Variants in DAP observed in about 807,000 individuals in gnomAD.
DAP encodes death-associated protein 1.
DAP carries 8 observed loss-of-function variants against 13.8 expected under a neutral mutation model. The observed-to-expected ratio is 0.58, with a 90% CI of 0.34 to 1.05. The LOEUF is 1.05. DAP is among the 50% of genes least tolerant of loss of function. The pLI, the probability that DAP is intolerant of heterozygous loss-of-function variation, is 0.03. For synonymous variants in DAP, 47 were observed against 47.5 expected (o/e 0.99, Z 0.04); for missense variants, 106 against 133.2 (o/e 0.80, Z 1.01).
At chr5:10,732,433 T>C (rs959014727) in intron 2 of DAP, among the ~76,000 whole-genome samples, 1 of 152,236 alleles carries the variant, frequency 6.6e-6, no homozygotes, top group African/African-American at 2.4e-5. Flanking sequence ...TTCATATAAA[T>C]GGCCTTGTTG....
At chr5:10,740,643 C>T (rs1739731121) in intron 2 of DAP, among the ~76,000 whole-genome samples, 1 of 152,164 alleles carries the variant, frequency 6.6e-6, no homozygotes, top group African/African-American at 2.4e-5. Context: ...CCGTGTTTAA[C>T]ACATTGAAAG....
At chr5:10,697,599 G>A (rs185079142) in intron 2 of DAP, among the ~76,000 whole-genome samples, 1 of 152,198 alleles carries the variant, frequency 6.6e-6, no homozygotes, top group Admixed American at 6.5e-5. Context: ...TTTAATTTTT[G>A]GGAGGTGGGT....
chr5:10,729,063 T>C (rs376867274), intron 2 of DAP, among the ~76,000 whole-genome samples: 89 of 152,244 alleles, frequency 5.8e-4, no homozygotes, highest in African/African-American at 2.0e-3. Context: ...ATTGTCCTAG[T>C]TTTTTTCTCA....
At chr5:10,689,945 C>T (rs1738261863) in intron 2 of DAP, among the ~76,000 whole-genome samples, 1 of 152,146 alleles carries the variant, frequency 6.6e-6, no homozygotes, top group Admixed American at 6.5e-5. Flanking sequence ...GTGTGCATTC[C>T]ACCTAATTAA....
chr5:10,698,549 T>G (rs1181720045), intron 2 of DAP, among the ~76,000 whole-genome samples: 2 of 152,116 alleles, frequency 1.3e-5, no homozygotes, highest in Admixed American at 1.3e-4. Context: ...AGCCACTAAT[T>G]AAAGTCTTCA....
chr5:10,720,679 G>A (rs1330718011), intron 2 of DAP, among the ~76,000 whole-genome samples: 2 of 152,190 alleles, frequency 1.3e-5, no homozygotes, highest in Non-Finnish European at 2.9e-5. Context: ...AGCCACTGCT[G>A]AGTGCCCAAT....
At chr5:10,689,637 G>A (rs1429575948) in intron 2 of DAP, among the ~76,000 whole-genome samples, 1 of 152,230 alleles carries the variant, frequency 6.6e-6, no homozygotes, top group Non-Finnish European at 1.5e-5. Context: ...ACTGGGTGGC[G>A]AGGGGTGAGG....
At chr5:10,742,143 C>T (rs990316025) in intron 2 of DAP, among the ~76,000 whole-genome samples, 16 of 90,028 alleles carry the variant, frequency 1.8e-4, no homozygotes, top group African/African-American at 8.0e-4. Context: ...AACTGGAGTT[C>T]TTCTACAAAA....
chr5:10,743,873 T>C (rs1292697960), intron 2 of DAP, among the ~76,000 whole-genome samples: 1 of 152,262 alleles, frequency 6.6e-6, no homozygotes, highest in Admixed American at 6.5e-5. Context: ...GGAAATTCTT[T>C]GGCAGCATTT....
At chr5:10,718,046 A>G (rs958838172) in intron 2 of DAP, among the ~76,000 whole-genome samples, 3 of 152,182 alleles carry the variant, frequency 2.0e-5, no homozygotes, top group Non-Finnish European at 2.9e-5. Flanking sequence ...ACCCTACTAC[A>G]TTACCAACAA....
chr5:10,743,842 G>A (rs1427808017), intron 2 of DAP, among the ~76,000 whole-genome samples: 1 of 152,204 alleles, frequency 6.6e-6, no homozygotes, highest in Non-Finnish European at 1.5e-5. Flanking sequence ...AGAACCACCA[G>A]TAACTAGAAC....
intron 1 of DAP, among the ~76,000 whole-genome samples, chr5:10,758,631 G>A (rs1740260109): frequency 6.6e-6 from 1 of 152,286 alleles, no homozygotes; most frequent in East Asian, 1.9e-4. Context: ...GAGACTCACT[G>A]CAGCAAACAC....
chr5:10,708,673 TTTTC>T (rs1248170466), intron 2 of DAP, among the ~76,000 whole-genome samples: 2 of 152,204 alleles, frequency 1.3e-5, no homozygotes, highest in African/African-American at 4.8e-5. Context: ...ACACTTCCAC[TTTTC>T]TTTGTCATCG....
intron 2 of DAP, among the ~76,000 whole-genome samples, chr5:10,721,425 CTTATTACCTTAAGTCAACAGGGTAAG>C (rs1314553112): frequency 7.9e-5 from 12 of 151,958 alleles, no homozygotes; most frequent in South Asian, 2.1e-4. Context: ...ACTTTGGGCT[CTTATTACCTTAAGTCAACAGGGTAAG>C]AAGGGAGTTA....
intron 2 of DAP, among the ~76,000 whole-genome samples, chr5:10,722,833 T>C (rs1739192059): frequency 1.3e-5 from 2 of 152,082 alleles, no homozygotes; most frequent in South Asian, 4.2e-4. Context: ...TCATGCCAAA[T>C]CTTTCTTGAA....
chr5:10,706,974 C>A (rs1197409246), intron 2 of DAP, among the ~76,000 whole-genome samples: 1 of 152,144 alleles, frequency 6.6e-6, no homozygotes, highest in African/African-American at 2.4e-5. Context: ...CTTTCTTGAT[C>A]TGAATTCCCA....
intron 2 of DAP, among the ~76,000 whole-genome samples, chr5:10,688,152 G>A (rs536948111): frequency 6.6e-6 from 1 of 152,026 alleles, no homozygotes; most frequent in Admixed American, 6.6e-5. Flanking sequence ...CTGGCCTCAA[G>A]TGATCTACCC....
intron 2 of DAP, among the ~76,000 whole-genome samples, chr5:10,728,170 C>T (rs564184944): frequency 4.6e-5 from 7 of 152,128 alleles, no homozygotes; most frequent in Admixed American, 4.6e-4. Flanking sequence ...TCCTGGATAT[C>T]AGAAAGTGAA....
intron 2 of DAP, among the ~76,000 whole-genome samples, chr5:10,744,497 T>C (rs770781316): frequency 3.9e-5 from 6 of 152,188 alleles, no homozygotes; most frequent in Non-Finnish European, 7.3e-5. Flanking sequence ...GGTAGGATTA[T>C]GGGTTTGAGG....
Sources: gnomAD v4.1 joint callset for allele counts (sites outside exome capture counted in the v4.1 genomes callset) on GRCh38, gnomAD v4.1.1 for gene constraint, MANE v1.5 for transcripts, NCBI Gene and HGNC (gene_info 2026-07-23, HGNC 2026-07-21) for gene names.